Variants in HELQ observed in about 807,000 individuals in gnomAD.
The protein encoded by HELQ is helicase, POLQ like.
HELQ carries 77 observed loss-of-function variants against 111.6 expected under a neutral mutation model. The ratio of observed to expected loss-of-function variants is 0.69; its 90% CI spans 0.57 to 0.83. The LOEUF (loss-of-function observed/expected upper bound fraction) is 0.83, where lower values mean the gene tolerates loss of function less well. Ranked by LOEUF, HELQ falls within the 40% of genes least tolerant of loss-of-function variation. HELQ has a pLI of 0.00. For synonymous variants in HELQ, 438 were observed against 454.7 expected, an observed-to-expected ratio of 0.96 and a Z score of 0.47; for missense variants, 1,200 against 1,288.5, an observed-to-expected ratio of 0.93 and a Z score of 1.05.
intron 2 of HELQ, among the ~76,000 whole-genome samples, chr4:83,451,013 T>C (rs1721334427): frequency 6.6e-6 from 1 of 152,206 alleles, no homozygotes; most frequent in Non-Finnish European, 1.5e-5. Flanking sequence ...CCAGGTGATG[T>C]TGATGCTGCA....
intron 17 of HELQ, among the ~76,000 whole-genome samples, chr4:83,412,131 C>T (rs1481049006): frequency 2.6e-5 from 4 of 152,216 alleles, no homozygotes; most frequent in Non-Finnish European, 5.9e-5. Flanking sequence ...CCACATATGA[C>T]TGGCTGGATT....
At chr4:83,427,850 A>G (rs928890821) in intron 12 of HELQ, 130 bp from the exon 13 acceptor site, 8 of 572,572 alleles carry the variant, frequency 1.4e-5, no homozygotes, top group Non-Finnish European at 2.3e-5. Flanking sequence ...ATCTTACTAT[A>G]TAACTATTTT....
At chr4:83,424,380 A>G (rs1222351154) in intron 14 of HELQ, among the ~76,000 whole-genome samples, 3 of 152,202 alleles carry the variant, frequency 2.0e-5, no homozygotes, top group Non-Finnish European at 4.4e-5. Flanking sequence ...AAAGTAAAAG[A>G]CCCAATCTAA....
chr4:83,409,647 CTG>C (rs1659861155), intron 17 of HELQ, among the ~76,000 whole-genome samples: 1 of 151,296 alleles, frequency 6.6e-6, no homozygotes, highest in Non-Finnish European at 1.5e-5. Flanking sequence ...AGCAGAAAAA[CTG>C]TAACACAACA....
At chr4:83,425,297 A>AAAAG in intron 14 of HELQ, among the ~76,000 whole-genome samples, 1 of 147,476 alleles carries the variant, frequency 6.8e-6, no homozygotes, top group African/African-American at 2.6e-5. Context: ...AAAAAAAAAA[A>AAAAG]GGTGTGGGGG....
Position 83,407,442 on chromosome 4 carries a change from A to G in HELQ, c.*11T>C. 6.5e-7 allele frequency: 1 copy of G among 1,537,052 alleles called. No homozygotes were observed. The highest frequency in any genetic ancestry group is 1.2e-5 in the South Asian group (1 of 82,904). Reference sequence around the variant, plus strand: ...AAATAATTCATATATGAAAATTCTCATCAGATAGCTTCATGCTTTGTCAGT... The same window carrying G: ...AAATAATTCATATATGAAAATTCTCGTCAGATAGCTTCATGCTTTGTCAGT... On this transcript the variant is annotated 3_prime_UTR_variant, in exon 18 of 18. Coordinates refer to ENST00000295488, the MANE Select transcript of HELQ (RefSeq NM_133636.5).
At chr4:83,411,287 T>C (rs1739082326) in intron 17 of HELQ, among the ~76,000 whole-genome samples, 1 of 150,734 alleles carries the variant, frequency 6.6e-6, no homozygotes, top group Non-Finnish European at 1.5e-5. Flanking sequence ...AAACATCAAG[T>C]GCCTTTGAAC....
chr4:83,445,977 TA>T, intron 5 of HELQ, 36 bp downstream of exon 5: 1 of 1,292,502 alleles, frequency 7.7e-7, no homozygotes, highest in Non-Finnish European at 1.1e-6. Context: ...CTCTTGATTA[TA>T]AATCAATTCA....
intron 5 of HELQ, among the ~76,000 whole-genome samples, 189 bp from the exon 6 acceptor site, chr4:83,443,803 C>T (rs925808118): frequency 2.6e-5 from 4 of 152,038 alleles, no homozygotes; most frequent in African/African-American, 7.2e-5. Flanking sequence ...TCAACACTTT[C>T]GGAGGCTGAG....
At position 83,448,870 on chromosome 4, in the gene HELQ, C is replaced by T. The variant is rs1239769491; in HGVS notation, c.1104G>A (p.Val368=). ...GTTCTTGCAGCATTAAAATCTCAGC[C>T]ACGAGGGTTTTTCCACCACTTGTTG... ...SLPTSGGKTL[V]AEILMLQELL... is the part of the protein sequence containing the mutation. Residue 368 remains valine (V), a synonymous_variant, in exon 3 of 18, where the codon GTG becomes GTA. Coordinates refer to ENST00000295488, the MANE Select transcript of HELQ (RefSeq NM_133636.5). 2 of 1,613,656 alleles carry T rather than the reference C, an allele frequency of 1.2e-6. No homozygotes were observed. The highest frequency in any genetic ancestry group is 1.7e-6 in the Non-Finnish European group (2 of 1,179,804).
chr4:83,411,173 AAAAAG>A (rs1739072798), intron 17 of HELQ, among the ~76,000 whole-genome samples: 1 of 151,158 alleles, frequency 6.6e-6, no homozygotes, highest in African/African-American at 2.4e-5. Flanking sequence ...AAAAAAAAAA[AAAAAG>A]AAAGTCAAGC....
At position 83,443,736 on chromosome 4, in the gene HELQ, G is replaced by C. The variant is rs1309898268; in HGVS notation, c.1466-122C>G. 3 of 518,642 alleles carry C rather than the reference G, an allele frequency of 5.8e-6. No homozygotes were observed. In the Admixed American group the frequency reaches 1.0e-4, roughly 17 times the overall value. 32.1% of individuals were successfully genotyped at this position (518,642 alleles called of 1,614,324 possible). On this transcript the variant is annotated intron_variant, in intron 5 of 17. Transcript: ENST00000295488. ...TTCCTGAGTGATTTGGGAAAGGGGTGGGAGAGGTAAGTAAGAAAAATACAA... is the reference window on the plus strand; with the variant it reads ...TTCCTGAGTGATTTGGGAAAGGGGTCGGAGAGGTAAGTAAGAAAAATACAA...
chr4:83,407,536 C>T lies in HELQ; in HGVS notation c.3223G>A (p.Ala1075Thr), dbSNP rs1462493755. Reference protein sequence around the residue: ...AKMLLHEKAEALQEEVEELLR... With the variant: ...AKMLLHEKAETLQEEVEELLR... ...AACTCTTCTACCTCTTCTTGCAGGGCTTCTGCTTTTTCATGCAACAGCATC... is the reference window on the plus strand; with the variant it reads ...AACTCTTCTACCTCTTCTTGCAGGGTTTCTGCTTTTTCATGCAACAGCATC... The change falls in exon 18 of 18, where the codon GCC becomes ACC. Residue 1075 changes from alanine (A) to threonine (T), a missense_variant. Physicochemically the swap from Ala to Thr is moderately conservative, Grantham distance 58. This residue lies in a region of HELQ where 585 missense variants were observed against 665.3 expected (regional missense o/e 0.88). Coordinates refer to ENST00000295488, the MANE Select transcript of HELQ (RefSeq NM_133636.5). 2 of 1,611,342 alleles carry T rather than the reference C, an allele frequency of 1.2e-6. No individual in the cohort carries two copies. Among genetic ancestry groups the T allele is most frequent in the Non-Finnish European group, 1.7e-6 (2 of 1,179,136 alleles).
intron 15 of HELQ, among the ~76,000 whole-genome samples, chr4:83,419,380 C>T (rs1739540048): frequency 6.7e-6 from 1 of 149,822 alleles, no homozygotes; most frequent in South Asian, 2.1e-4. Context: ...GAGTTTGAGG[C>T]CAGCCTGGGC....
intron 8 of HELQ, among the ~76,000 whole-genome samples, chr4:83,437,932 T>TA (rs1720549749): frequency 1.3e-5 from 2 of 152,206 alleles, no homozygotes; most frequent in Non-Finnish European, 2.9e-5. Context: ...TTCCATCACT[T>TA]AGCCAGTGTC....
chr4:83,453,786 T>C lies in HELQ; in HGVS notation c.457A>G (p.Ile153Val), dbSNP rs748890178. The C allele has an allele frequency of 2.4e-5, 39 of 1,614,114 alleles. No individual in the cohort carries two copies. The highest frequency in any genetic ancestry group is 9.9e-5 in the South Asian group (9 of 91,084). Residue 153 changes from isoleucine (I) to valine (V), a missense_variant, in exon 2 of 18, where the codon ATC (isoleucine) becomes GTC (valine). Physicochemically the swap from Ile to Val is conservative, Grantham distance 29. Around this residue, in one of 3 missense-constraint regions of HELQ, gnomAD observed 610 missense variants for 607.1 expected, o/e 1.00. Coordinates refer to ENST00000295488, the MANE Select transcript of HELQ (RefSeq NM_133636.5). ...GTAGTAATGCTGAGTTTGTTTTTGA[T>C]ACTTTCCGAGCAAAGATTTTCAGTG... Reference protein sequence around the residue: ...FATENLCSESIKNKLSITTIG... With the variant: ...FATENLCSESVKNKLSITTIG...
At chr4:83,429,453 G>C (rs1720025631) in intron 12 of HELQ, 71 bp downstream of exon 12, 4 of 1,179,122 alleles carry the variant, frequency 3.4e-6, no homozygotes, top group Non-Finnish European at 4.9e-6. Flanking sequence ...CCAGCTTAAA[G>C]AAAGTATAAT....
intron 6 of HELQ, among the ~76,000 whole-genome samples, chr4:83,442,946 C>T (rs914137530): frequency 1.3e-5 from 2 of 152,118 alleles, no homozygotes; most frequent in African/African-American, 4.8e-5. Context: ...ACAAAACATA[C>T]ACACTAGTAG....
At chr4:83,427,945 A>C (rs1039134018) in intron 12 of HELQ, among the ~76,000 whole-genome samples, 1 of 152,200 alleles carries the variant, frequency 6.6e-6, no homozygotes, top group East Asian at 1.9e-4. Context: ...ATCCAGAGAA[A>C]CATTTCCATA....
Sources: allele counts gnomAD v4.1 joint callset (sites outside exome capture counted in the v4.1 genomes callset), GRCh38; gene constraint gnomAD v4.1.1; regional missense constraint gnomAD v4.1.1; transcripts MANE v1.5; gene names NCBI Gene and HGNC (gene_info 2026-07-23, HGNC 2026-07-21).